AFF4: variants seen among roughly 807,000 people sequenced by gnomAD.
The protein encoded by AFF4 is ALF transcription elongation factor 4, also known as AF4/FMR2 family member 4.
In AFF4, 13 loss-of-function variants were observed where a neutral mutation model predicts 124.8. That is an observed-to-expected ratio of 0.10 (90% CI 0.07 to 0.17). The LOEUF (loss-of-function observed/expected upper bound fraction) is 0.17. AFF4 is among the 10% of genes least tolerant of loss of function. The pLI is 1.00. For synonymous variants in AFF4, 477 were observed against 496.1 expected (o/e 0.96, Z 0.51); for missense variants, 1,092 against 1,403.8 (o/e 0.78, Z 3.55).
Position 132,877,444 on chromosome 5 carries a change from A to C in AFF4, c.*3615T>G, listed in dbSNP as rs1759865851. ...GAAAGTGTCTTAGATCAATTTAATA[A>C]ATAATGTGGAAATAGTTGCACTAAG... On this transcript the variant is annotated 3_prime_UTR_variant, in exon 21 of 21. Coordinates refer to ENST00000265343, the MANE Select transcript of AFF4 (RefSeq NM_014423.4). The C allele has an allele frequency of 4.6e-6, 1 of 215,742 alleles. No individual in the cohort carries two copies. Among genetic ancestry groups the C allele is most frequent in the South Asian group, 1.9e-4 (1 of 5,382 alleles). The allele number at this position is 215,742 out of a possible 1,614,324, so 13.4% of individuals were successfully genotyped here.
chr5:132,945,169 T>G (rs1467874207), intron 1 of AFF4: 1 of 152,630 alleles, frequency 6.6e-6, no homozygotes. Flanking sequence ...ATGATAACAG[T>G]GCATGGTGAA....
At chr5:132,954,347 C>T (rs1350648093) in intron 1 of AFF4, among the ~76,000 whole-genome samples, 1 of 152,192 alleles carries the variant, frequency 6.6e-6, no homozygotes, top group Non-Finnish European at 1.5e-5. Context: ...GACCCCATCA[C>T]GTGACTTGTG....
Position 132,947,649 on chromosome 5 carries a change from C to T in AFF4, c.-4-10456G>A, listed in dbSNP as rs78294858. ...TTTCAAACCCAGTATATTACAACTG[C>T]TATTAAACTGTAACTTTACCACAAT... On this transcript the variant is annotated intron_variant, in intron 1 of 20. Transcript: ENST00000265343. 9.3e-3 allele frequency among the ~76,000 whole-genome samples: 1,419 copies of T among 152,294 alleles called. 7 individuals carry two copies. The highest frequency in any genetic ancestry group is 0.014 in the Non-Finnish European group (965 of 68,024).
chr5:132,904,246 A>T (rs1000157431), intron 6 of AFF4, 122 bp downstream of exon 6: 1 of 928,666 alleles, frequency 1.1e-6, no homozygotes, highest in Non-Finnish European at 1.6e-6. Context: ...AAAAAAGAAA[A>T]CAAAAATGAA....
At position 132,897,019 on chromosome 5, in the gene AFF4, T is replaced by C; in HGVS notation, c.1611A>G (p.Gln537=). 1 of 1,614,188 alleles carries C rather than the reference T, an allele frequency of 6.2e-7. No individual in the cohort carries two copies. Among genetic ancestry groups the C allele is most frequent in the Non-Finnish European group, 8.5e-7 (1 of 1,180,020 alleles). ...ATPGRDSKTI[Q]KGSESGRGRQ... The stretch of plus-strand genomic sequence containing the variant: ...TCCCACGCCCACTTTCTGATCCCTT[T>C]TGGATGGTTTTGGAGTCTCGTCCCG... Residue 537 remains glutamine (Q), a synonymous_variant, in exon 11 of 21, where the codon CAA becomes CAG. Transcript: ENST00000265343.
chr5:132,946,248 T>C (rs1331264292), intron 1 of AFF4, among the ~76,000 whole-genome samples: 5 of 152,188 alleles, frequency 3.3e-5, no homozygotes, highest in Admixed American at 6.5e-5. Context: ...CTGCTATGGA[T>C]TGGCAGTTCC....
intron 1 of AFF4, among the ~76,000 whole-genome samples, chr5:132,959,149 T>TA (rs1191637063): frequency 4.0e-5 from 6 of 148,746 alleles, no homozygotes; most frequent in African/African-American, 1.5e-4. Context: ...TTTTTTGAGA[T>TA]AGAGTCTTGC....
chr5:132,886,629 T>A (rs1362980063), intron 17 of AFF4, among the ~76,000 whole-genome samples: 3 of 152,224 alleles, frequency 2.0e-5, no homozygotes, highest in Admixed American at 6.5e-5. Flanking sequence ...TTTGCTGACA[T>A]TCCAAAATCC....
chr5:132,913,050 C>A (rs909680999), intron 5 of AFF4, among the ~76,000 whole-genome samples: 3 of 152,090 alleles, frequency 2.0e-5, no homozygotes, highest in Non-Finnish European at 2.9e-5. Context: ...ACAAGAAATG[C>A]ATTTTAAGTA....
Position 132,898,321 on chromosome 5 carries a change from C to T in AFF4, c.1298G>A (p.Gly433Glu), listed in dbSNP as rs1397950344. 1.9e-6 allele frequency: 3 copies of T among 1,614,198 alleles called. No individual in the cohort carries two copies. The highest frequency in any genetic ancestry group is 1.7e-5 in the Admixed American group (1 of 60,026). ...GTCAGATCCAGAGCTGCTTTCAGATCCACTGTGGCTACTAGAATCATCCCT... is the reference window on the plus strand; with the variant it reads ...GTCAGATCCAGAGCTGCTTTCAGATTCACTGTGGCTACTAGAATCATCCCT... Reference protein sequence around the residue: ...NSRDDSSSHSGSESSSGSDSE... With the variant: ...NSRDDSSSHSESESSSGSDSE... The change falls in exon 10 of 21, where the codon GGA becomes GAA. Residue 433 changes from glycine (G) to glutamate (E), a missense_variant. By Grantham distance (98) the Gly-to-Glu change is moderately conservative (BLOSUM62 -2). Coordinates refer to ENST00000265343, the MANE Select transcript of AFF4 (RefSeq NM_014423.4).
chr5:132,899,307 A>T (rs1760489070), intron 8 of AFF4, among the ~76,000 whole-genome samples, 166 bp from the exon 9 acceptor site: 1 of 152,234 alleles, frequency 6.6e-6, no homozygotes, highest in Non-Finnish European at 1.5e-5. Flanking sequence ...GAATTGCCAG[A>T]ATAAGATCAA....
intron 1 of AFF4, among the ~76,000 whole-genome samples, chr5:132,940,746 G>A (rs1761548201): frequency 6.6e-6 from 1 of 152,068 alleles, no homozygotes; most frequent in African/African-American, 2.4e-5. Context: ...TAATAATTAG[G>A]TCGGGTGCTG....
intron 6 of AFF4, chr5:132,904,032 G>C (rs1760613163): frequency 5.4e-6 from 1 of 185,230 alleles, no homozygotes; most frequent in African/African-American, 2.4e-5. Flanking sequence ...GAGGCAGGTG[G>C]ATCACTTGAG....
chr5:132,898,362 T>C lies in AFF4; in HGVS notation c.1257A>G (p.Glu419=), dbSNP rs544051718. The change falls in exon 10 of 21, where the codon GAA becomes GAG. Residue 419 remains glutamate (E), a synonymous_variant. Transcript: ENST00000265343. Reference sequence around the variant, plus strand: ...AATCATCCCTGGAGTTATCTGCTCCTTCACTATTATGGTGTGAAGGTTCAG... The same window carrying C: ...AATCATCCCTGGAGTTATCTGCTCCCTCACTATTATGGTGTGAAGGTTCAG... ...SNSEPSHHNS[E]GADNSRDDSS... is the part of the protein sequence containing the mutation. 7.4e-6 allele frequency: 12 copies of C among 1,614,222 alleles called. No homozygotes were observed. Among genetic ancestry groups the C allele is most frequent in the South Asian group, 4.4e-5 (4 of 91,084 alleles).
At chr5:132,910,041 C>A (rs115279966) in intron 5 of AFF4, among the ~76,000 whole-genome samples, 3,451 of 152,282 alleles carry the variant, frequency 0.023, 137 homozygotes, top group African/African-American at 0.08. Flanking sequence ...ATTCCTATTG[C>A]TTTCTTTTGT....
intron 8 of AFF4, 56 bp from the exon 9 acceptor site, chr5:132,899,197 T>C (rs1433345081): frequency 2.0e-6 from 3 of 1,518,422 alleles, no homozygotes; most frequent in Non-Finnish European, 2.7e-6. Flanking sequence ...TTCTATTTGC[T>C]TAGTGTGAAT....
In AFF4 at chr5:132,878,951, CAG is replaced by C. The variant is rs1759904820; in HGVS notation, c.*2106_*2107del. ...ATTAAGGAATCCAAGTCAGAAAAAT[CAG>C]AGAAGGACAAGACATAACATGTATT... On this transcript the variant is annotated 3_prime_UTR_variant, in exon 21 of 21. Transcript: ENST00000265343. 4.5e-6 allele frequency: 1 copy of C among 221,584 alleles called. No individual in the cohort carries two copies. Among genetic ancestry groups the C allele is most frequent in the East Asian group, 6.7e-5 (1 of 15,030 alleles). 13.7% of individuals were successfully genotyped at this position (221,584 alleles called of 1,614,324 possible).
chr5:132,949,700 A>ACACGCGCGCGCGCGCG (rs775970739), intron 1 of AFF4, among the ~76,000 whole-genome samples: 1 of 146,628 alleles, frequency 6.8e-6, no homozygotes, highest in African/African-American at 2.6e-5. Context: ...ACACACACAC[A>ACACGCGCGCGCGCGCG]CGCGCGCGCG....
At chr5:132,957,973 T>C (rs1761999284) in intron 1 of AFF4, among the ~76,000 whole-genome samples, 1 of 152,104 alleles carries the variant, frequency 6.6e-6, no homozygotes, top group Non-Finnish European at 1.5e-5. Context: ...CAATGTAATA[T>C]TTACAGACCT....
Sources: allele counts gnomAD v4.1 joint callset (sites outside exome capture counted in the v4.1 genomes callset), GRCh38; gene constraint gnomAD v4.1.1; transcripts MANE v1.5; gene names NCBI Gene and HGNC (gene_info 2026-07-23, HGNC 2026-07-21).